MYT1L: variants seen among roughly 807,000 people sequenced by gnomAD.
MYT1L encodes myelin transcription factor 1-like protein.
In MYT1L, 12 loss-of-function variants were observed where a neutral mutation model predicts 126.7. The ratio of observed to expected loss-of-function variants is 0.09; its 90% CI spans 0.06 to 0.15. The LOEUF (loss-of-function observed/expected upper bound fraction) is 0.15. Among genes scored for constraint, MYT1L ranks in the 10% least tolerant of loss-of-function variants. MYT1L has a pLI of 1.00. For missense variants in MYT1L, 979 were observed against 1,585.2 expected, an observed-to-expected ratio of 0.62 and a Z score of 6.49; for synonymous variants, 541 against 604.2, an observed-to-expected ratio of 0.90 and a Z score of 1.53.
At chr2:2,025,863 A>G (rs1436797764) in intron 4 of MYT1L, among the ~76,000 whole-genome samples, 2 of 152,234 alleles carry the variant, frequency 1.3e-5, no homozygotes, top group African/African-American at 4.8e-5. Flanking sequence ...AATTATACTC[A>G]AACTCAATAT....
chr2:1,823,821 C>T (rs2038923483), intron 21 of MYT1L, among the ~76,000 whole-genome samples: 1 of 152,222 alleles, frequency 6.6e-6, no homozygotes, highest in Non-Finnish European at 1.5e-5. Context: ...GGCCCTCGTC[C>T]CGTGTGGTCA....
chr2:1,890,465 G>A (rs185580821), intron 15 of MYT1L, among the ~76,000 whole-genome samples: 21 of 151,922 alleles, frequency 1.4e-4, no homozygotes, highest in African/African-American at 5.1e-4. Flanking sequence ...AGTGATTACC[G>A]TCTGATCTCT....
chr2:2,044,221 C>G (rs1480416118), intron 4 of MYT1L, among the ~76,000 whole-genome samples: 1 of 152,166 alleles, frequency 6.6e-6, no homozygotes, highest in East Asian at 1.9e-4. Context: ...AAGACAGTAC[C>G]TACTGTTCAT....
chr2:2,263,543 G>T (rs762383734), intron 2 of MYT1L, among the ~76,000 whole-genome samples: 1 of 152,134 alleles, frequency 6.6e-6, no homozygotes, highest in Non-Finnish European at 1.5e-5. Context: ...GACTAACAGA[G>T]CATAACTGGT....
chr2:2,299,415 C>T (rs899539056), intron 1 of MYT1L, among the ~76,000 whole-genome samples: 4 of 152,218 alleles, frequency 2.6e-5, no homozygotes, highest in African/African-American at 9.6e-5. Flanking sequence ...GAATCCAGTT[C>T]GAACTGGTGT....
At chr2:2,271,068 TAC>T (rs2095254647) in intron 2 of MYT1L, among the ~76,000 whole-genome samples, 1 of 152,210 alleles carries the variant, frequency 6.6e-6, no homozygotes, top group Non-Finnish European at 1.5e-5. Context: ...TCTGTGTGTG[TAC>T]ACATGTGTTT....
intron 3 of MYT1L, among the ~76,000 whole-genome samples, chr2:2,098,161 G>T (rs1317588563): frequency 6.6e-6 from 1 of 152,094 alleles, no homozygotes; most frequent in Non-Finnish European, 1.5e-5. Context: ...ATATTCCTTT[G>T]TAGTGATGCA....
chr2:2,167,715 C>T (rs570547013), intron 3 of MYT1L, among the ~76,000 whole-genome samples: 1 of 152,240 alleles, frequency 6.6e-6, no homozygotes, highest in African/African-American at 2.4e-5. Context: ...AACTCTCCAG[C>T]CCTCCACGCC....
intron 21 of MYT1L, chr2:1,826,032 G>A (rs1301921588): frequency 6.6e-6 from 1 of 152,310 alleles, no homozygotes; most frequent in Non-Finnish European, 1.5e-5. Context: ...CCAACGTCCA[G>A]CAGGACAGTC....
At chr2:1,984,003 C>G in intron 5 of MYT1L, among the ~76,000 whole-genome samples, 1 of 152,114 alleles carries the variant, frequency 6.6e-6, no homozygotes, top group Non-Finnish European at 1.5e-5. Flanking sequence ...TTGTTTTATA[C>G]TTAAAGAAAA....
chr2:1,980,891 A>G (rs2060558950), intron 5 of MYT1L, among the ~76,000 whole-genome samples: 1 of 152,142 alleles, frequency 6.6e-6, no homozygotes, highest in African/African-American at 2.4e-5. Flanking sequence ...CGGGGGAGCT[A>G]AGAAGAGATG....
rs539992651 is a variant in MYT1L at position 1,870,632 on chromosome 2, C to T, written c.2711+15907G>A. 2.9e-4 allele frequency among the ~76,000 whole-genome samples: 44 copies of T among 152,264 alleles called. No homozygotes were observed. The South Asian group carries it at 6.4e-3, about 22-fold the overall frequency. Reference sequence around the variant, plus strand: ...CCTGGCCAGGCAAGTCCATCGTGAACTCTGAATCATGCTGTTGTAGGCAGA... The same window carrying T: ...CCTGGCCAGGCAAGTCCATCGTGAATTCTGAATCATGCTGTTGTAGGCAGA... On this transcript the variant is annotated intron_variant, in intron 18 of 24. Transcript: ENST00000647738.
Position 1,846,823 on chromosome 2 carries a change from G to A in MYT1L, c.2774+4818C>T, listed in dbSNP as rs189040006. Among the ~76,000 whole-genome samples, 431 of 152,290 alleles carry A rather than the reference G, an allele frequency of 2.8e-3. 6 individuals carry two copies. The South Asian group carries it at 0.035, about 12-fold the overall frequency. On this transcript the variant is annotated intron_variant, in intron 19 of 24. Coordinates refer to ENST00000647738, the MANE Select transcript of MYT1L (RefSeq NM_001303052.2). ...TGTGAGGGCAGATACTGACAGGGTT[G>A]GACAAGCACCACCTTACAAGGTTCC...
intron 3 of MYT1L, among the ~76,000 whole-genome samples, chr2:2,103,782 A>C (rs2078403772): frequency 6.6e-6 from 1 of 152,230 alleles, no homozygotes; most frequent in Non-Finnish European, 1.5e-5. Context: ...AACAACAGCA[A>C]GATCTCACGG....
intron 2 of MYT1L, among the ~76,000 whole-genome samples, chr2:2,206,111 C>A (rs578090425): frequency 5.9e-4 from 89 of 151,882 alleles, no homozygotes; most frequent in African/African-American, 2.1e-3. Flanking sequence ...GCCTCCTAAG[C>A]AACTGGGATT....
At chr2:2,211,811 A>AAAAAAAACAAACAAACAAAC (rs1559351051) in intron 2 of MYT1L, among the ~76,000 whole-genome samples, 38 of 148,422 alleles carry the variant, frequency 2.6e-4, no homozygotes, top group African/African-American at 9.3e-4. Flanking sequence ...GTCAAAAAAA[A>AAAAAAAACAAACAAACAAAC]AAAAAAAAAA....
chr2:2,180,775 T>C (rs980914708), intron 2 of MYT1L, among the ~76,000 whole-genome samples: 2 of 151,322 alleles, frequency 1.3e-5, no homozygotes, highest in African/African-American at 4.9e-5. Flanking sequence ...TACCTGTATT[T>C]GTACCTGTGT....
intron 15 of MYT1L, among the ~76,000 whole-genome samples, chr2:1,890,719 T>G (rs1442985323): frequency 6.6e-6 from 1 of 152,080 alleles, no homozygotes; most frequent in African/African-American, 2.4e-5. Flanking sequence ...CTTAGCAAAA[T>G]TTGATTTCAG....
intron 4 of MYT1L, among the ~76,000 whole-genome samples, chr2:2,004,401 G>A (rs780238574): frequency 0.018 from 2,244 of 125,614 alleles, 85 homozygotes; most frequent in Non-Finnish European, 0.025. Context: ...TTTCCTGCAT[G>A]CGTTCTTTCC....
Sources: gnomAD v4.1 joint callset for allele counts (sites outside exome capture counted in the v4.1 genomes callset) on GRCh38, gnomAD v4.1.1 for gene constraint, MANE v1.5 for transcripts, NCBI Gene and HGNC (gene_info 2026-07-23, HGNC 2026-07-21) for gene names.